TANC2: variants seen among roughly 807,000 people sequenced by gnomAD.
The protein encoded by TANC2 is tetratricopeptide repeat, ankyrin repeat and coiled-coil containing 2.
TANC2 carries 26 observed loss-of-function variants against 210.5 expected under a neutral mutation model. The observed-to-expected ratio is 0.12, with a 90% CI of 0.09 to 0.17. TANC2 has a LOEUF of 0.17. Among genes scored for constraint, TANC2 ranks in the 10% least tolerant of loss-of-function variants. The probability of loss-of-function intolerance (pLI) is 1.00; values close to 1 mark genes in which losing one functional copy is unlikely to be tolerated. For missense variants in TANC2, 2,129 were observed against 2,608.9 expected, an observed-to-expected ratio of 0.82 and a Z score of 4.01; for synonymous variants, 931 against 967.1, an observed-to-expected ratio of 0.96 and a Z score of 0.69.
At position 63,200,963 on chromosome 17, in the gene TANC2, T is replaced by C. The variant is rs778318990; in HGVS notation, c.769+6T>C. On this transcript the variant is annotated splice_donor_region_variant and intron_variant, in intron 7 of 27. Coordinates refer to ENST00000689528, the Ensembl canonical transcript of TANC2. The stretch of plus-strand genomic sequence containing the variant: ...CAGAGATAGTGGCATCATTGGTGAG[T>C]TGGTTTTTATATTGATAATTTTGTG... The C allele has an allele frequency of 6.3e-7, 1 of 1,599,776 alleles. No homozygotes were observed. The highest frequency in any genetic ancestry group is 8.5e-7 in the Non-Finnish European group (1 of 1,174,210).
chr17:62,997,137 A>G (rs1248233303), intron 1 of TANC2, among the ~76,000 whole-genome samples: 3 of 140,330 alleles, frequency 2.1e-5, no homozygotes, highest in Non-Finnish European at 4.6e-5. Flanking sequence ...TTTTTTTTTA[A>G]AGAGAAAAAA....
At chr17:63,212,057 G>A (rs1206745920) in intron 7 of TANC2, among the ~76,000 whole-genome samples, 1 of 152,068 alleles carries the variant, frequency 6.6e-6, no homozygotes, top group Non-Finnish European at 1.5e-5. Context: ...AGGCCCCGGT[G>A]TGTGATGTTC....
chr17:63,190,183 T>A (rs953681762), intron 5 of TANC2, among the ~76,000 whole-genome samples: 4 of 151,850 alleles, frequency 2.6e-5, no homozygotes, highest in African/African-American at 4.8e-5. Context: ...AAAAAATTTT[T>A]AAAAAAATTA....
chr17:63,272,898 A>G (rs1165620124), intron 9 of TANC2, among the ~76,000 whole-genome samples: 2 of 152,136 alleles, frequency 1.3e-5, no homozygotes, highest in Non-Finnish European at 2.9e-5. Context: ...CCATGCATTG[A>G]TTGGGAACTT....
At chr17:63,064,776 A>G (rs906425488) in intron 2 of TANC2, among the ~76,000 whole-genome samples, 1 of 152,186 alleles carries the variant, frequency 6.6e-6, no homozygotes, top group Middle Eastern at 3.4e-3. Flanking sequence ...ATAAAAGTAT[A>G]TATTTATGAC....
At chr17:63,375,643 A>G (rs2047401294) in intron 14 of TANC2, among the ~76,000 whole-genome samples, 1 of 152,258 alleles carries the variant, frequency 6.6e-6, no homozygotes. Context: ...GGGAGGCTAC[A>G]ATAATTTTAC....
At chr17:63,374,018 T>A (rs2147040271) in intron 14 of TANC2, among the ~76,000 whole-genome samples, 1 of 149,240 alleles carries the variant, frequency 6.7e-6, no homozygotes, top group South Asian at 2.1e-4. Flanking sequence ...ATTTTGATTT[T>A]TCAGTTGTTG....
chr17:63,094,494 A>G (rs1308208894), intron 3 of TANC2, among the ~76,000 whole-genome samples: 1 of 152,164 alleles, frequency 6.6e-6, no homozygotes. Context: ...CCAATGATGT[A>G]TACAGTTCAC....
At chr17:63,022,432 A>C (rs2034389739) in intron 2 of TANC2, among the ~76,000 whole-genome samples, 1 of 152,104 alleles carries the variant, frequency 6.6e-6, no homozygotes, top group African/African-American at 2.4e-5. Context: ...ACTTCTGGCC[A>C]CTTACAGTGA....
chr17:63,237,140 G>T (rs148318849), intron 7 of TANC2, among the ~76,000 whole-genome samples: 1 of 151,924 alleles, frequency 6.6e-6, no homozygotes, highest in Admixed American at 6.6e-5. Flanking sequence ...CATCCTCACC[G>T]TCTGTTATTT....
intron 5 of TANC2, among the ~76,000 whole-genome samples, chr17:63,157,175 G>C (rs533422820): frequency 2.6e-4 from 40 of 152,278 alleles, no homozygotes; most frequent in Non-Finnish European, 4.4e-4. Context: ...CTCATCCTAT[G>C]CTTTGGGAGA....
At chr17:63,129,914 A>G (rs1319796585) in intron 4 of TANC2, among the ~76,000 whole-genome samples, 1 of 152,112 alleles carries the variant, frequency 6.6e-6, no homozygotes, top group Non-Finnish European at 1.5e-5. Context: ...GAAAACTTTT[A>G]TAGAAGTATG....
intron 1 of TANC2, among the ~76,000 whole-genome samples, chr17:62,972,510 GT>G (rs571234220): frequency 6.6e-6 from 1 of 152,038 alleles, no homozygotes; most frequent in Non-Finnish European, 1.5e-5. Context: ...TTGTTGGTGT[GT>G]TTTTTTAAAA....
chr17:63,255,693 T>G (rs2043173603), intron 8 of TANC2, among the ~76,000 whole-genome samples: 1 of 152,078 alleles, frequency 6.6e-6, no homozygotes, highest in Non-Finnish European at 1.5e-5. Flanking sequence ...TATTTGGGTC[T>G]TCTCTCTTTT....
chr17:63,421,712 G>C lies in TANC2; in HGVS notation c.5982G>C (p.Gln1994His), dbSNP rs1485733982. 1.2e-6 allele frequency: 2 copies of C among 1,613,930 alleles called. No homozygotes were observed. Among genetic ancestry groups the C allele is most frequent in the African/African-American group, 2.7e-5 (2 of 74,942 alleles). ...TTTATAACAAAACCAACAATGCACA[G>C]AATGGCCATTTGCTGGAGGACGATT... Residue 1994 changes from glutamine (Q) to histidine (H), a missense_variant, in exon 28 of 28, where the codon CAG becomes CAC. By Grantham distance (24) the Gln-to-His change is conservative. Transcript: ENST00000689528. The surrounding 1 kb of genome is among the most constrained non-coding windows in gnomAD (Gnocchi z 6.9).
intron 1 of TANC2, among the ~76,000 whole-genome samples, chr17:62,991,772 T>C (rs1598204176): frequency 6.6e-6 from 1 of 152,270 alleles, no homozygotes; most frequent in African/African-American, 2.4e-5. Context: ...AGTGAAATGA[T>C]GAATCCAGGA....
intron 4 of TANC2, among the ~76,000 whole-genome samples, chr17:63,144,387 C>G (rs1358696159): frequency 6.6e-6 from 1 of 152,088 alleles, no homozygotes; most frequent in Non-Finnish European, 1.5e-5. Context: ...TATTTTGCCA[C>G]ACTGCATACA....
At chr17:63,387,305 T>A (rs1259493257) in intron 15 of TANC2, among the ~76,000 whole-genome samples, 1 of 152,202 alleles carries the variant, frequency 6.6e-6, no homozygotes, top group Non-Finnish European at 1.5e-5. Flanking sequence ...TTTCAGCCTT[T>A]CCTCTAGTGT....
intron 1 of TANC2, among the ~76,000 whole-genome samples, chr17:63,002,959 A>C (rs566540560): frequency 3.9e-5 from 6 of 152,240 alleles, no homozygotes; most frequent in Non-Finnish European, 7.4e-5. Flanking sequence ...CATTATGCAT[A>C]TATGTTTTAA....
Sources: allele counts gnomAD v4.1 joint callset (sites outside exome capture counted in the v4.1 genomes callset), GRCh38; gene constraint gnomAD v4.1.1; non-coding constraint Gnocchi (gnomAD v3.1); transcripts MANE v1.5; gene names NCBI Gene and HGNC (gene_info 2026-07-23, HGNC 2026-07-21).